The following KCNQ1 variants were observed in gnomAD, a reference collection of about 807,000 sequenced individuals.
KCNQ1 encodes the protein potassium voltage-gated channel subfamily KQT member 1.
Under a neutral mutation model 72.4 loss-of-function variants are expected in KCNQ1, and 49 were observed. The observed-to-expected ratio is 0.68, with a 90% confidence interval of 0.54 to 0.86. KCNQ1 has a LOEUF of 0.86. Ranked by LOEUF, KCNQ1 falls within the 40% of genes least tolerant of loss-of-function variation. The pLI is 0.00. For synonymous variants in KCNQ1, 450 were observed against 412.6 expected (o/e 1.09, Z -1.10); for missense variants, 790 against 945.1 (o/e 0.84, Z 2.15).
chr11:2,533,022 G>C (rs867621923), intron 2 of KCNQ1, among the ~76,000 whole-genome samples: 1 of 152,350 alleles, frequency 6.6e-6, no homozygotes, highest in Non-Finnish European at 1.5e-5. Flanking sequence ...GCTGAGCGCG[G>C]GGAGCCCAAA....
chr11:2,667,887 C>G (rs1450956683), intron 11 of KCNQ1: 1 of 398,494 alleles, frequency 2.5e-6, no homozygotes, highest in South Asian at 1.3e-4. Context: ...GTCTCAAGTG[C>G]GCAGCTTGAG....
At chr11:2,472,973 T>C (rs1846512897) in intron 1 of KCNQ1, among the ~76,000 whole-genome samples, 1 of 151,390 alleles carries the variant, frequency 6.6e-6, no homozygotes, top group Non-Finnish European at 1.5e-5. Flanking sequence ...CTCATGGTGA[T>C]GGGGTGGGCG....
At chr11:2,527,846 G>T in intron 1 of KCNQ1, 82 bp from the exon 2 acceptor site, 1 of 1,276,636 alleles carries the variant, frequency 7.8e-7, no homozygotes, top group African/African-American at 1.5e-5. Flanking sequence ...CGGGGCTGAG[G>T]CCAGGGGCCC....
rs571792491 is a variant in KCNQ1, at chr11:2,811,247, TCCCTG to T, written c.1794+33211_1794+33215del. On this transcript the variant is annotated intron_variant, in intron 15 of 15. Transcript: ENST00000155840. ...CCGTCCCCACGACCCCTGTCCGGCT[TCCCTG>T]GCTCATTGTCCCTGTTACAACCCAG... Among the ~76,000 whole-genome samples, 193 of 152,342 alleles carry T rather than the reference TCCCTG, an allele frequency of 1.3e-3. 1 individual carries two copies. Among genetic ancestry groups the T allele is most frequent in the Middle Eastern group, 6.8e-3 (2 of 294 alleles).
At chr11:2,575,940 G>A (rs549529246) in intron 6 of KCNQ1, among the ~76,000 whole-genome samples, 2 of 152,356 alleles carry the variant, frequency 1.3e-5, no homozygotes, top group Non-Finnish European at 2.9e-5. Context: ...AGCTCAGGGA[G>A]AAATTTCCTC....
rs759137365 is a variant in KCNQ1 at position 2,815,729 on chromosome 11, G to A, written c.1795-32038G>A. Among the ~76,000 whole-genome samples the A allele has an allele frequency of 1.3e-5, 2 of 152,130 alleles. No homozygotes were observed. The highest frequency in any genetic ancestry group is 2.9e-5 in the Non-Finnish European group (2 of 68,002). On this transcript the variant is annotated intron_variant, in intron 15 of 15. Transcript: ENST00000155840. This position sits in a 1 kb window ranked among gnomAD's most constrained non-coding sequence, Gnocchi z 5.4. ...GAGGCTGGAGACTATTCAGGAGAGG[G>A]TGGGAGCAGACACGGGAGTAGGATG...
Position 2,549,635 on chromosome 11 carries a change from G to T in KCNQ1, c.478-20993G>T, listed in dbSNP as rs1366191243. Among the ~76,000 whole-genome samples the T allele has an allele frequency of 6.6e-6, 1 of 151,660 alleles. No individual in the cohort carries two copies. The highest frequency in any genetic ancestry group is 1.9e-4 in the East Asian group (1 of 5,156). Reference sequence around the variant, plus strand: ...GCTCTGCGAGGCCCGGGGTAGGGGCGTGGGGGGGCCTCCTCCTCCCAAGCA... The same window carrying T: ...GCTCTGCGAGGCCCGGGGTAGGGGCTTGGGGGGGCCTCCTCCTCCCAAGCA... On this transcript the variant is annotated intron_variant, in intron 2 of 15. Transcript: ENST00000155840. This position sits in a 1 kb window ranked among gnomAD's most constrained non-coding sequence, Gnocchi z 6.2.
At chr11:2,718,423 C>A (rs1851136291) in intron 11 of KCNQ1, among the ~76,000 whole-genome samples, 1 of 152,210 alleles carries the variant, frequency 6.6e-6, no homozygotes, top group Non-Finnish European at 1.5e-5. Context: ...CAGCACCAGC[C>A]CCTCCCCGTA....
At position 2,742,199 on chromosome 11, in the gene KCNQ1, G is replaced by A. The variant is rs111751221; in HGVS notation, c.1515-26645G>A. Among the ~76,000 whole-genome samples, 942 of 152,368 alleles carry A rather than the reference G, an allele frequency of 6.2e-3. 11 individuals carry two copies. Among genetic ancestry groups the A allele is most frequent in the African/African-American group, 0.021 (881 of 41,592 alleles). ...TGCACAGAACGACCATCCCTGCAGC[G>A]GGTGGCTTGGGGGGTACCACCATGA... On this transcript the variant is annotated intron_variant, in intron 11 of 15. Coordinates refer to ENST00000155840, the MANE Select transcript of KCNQ1 (RefSeq NM_000218.3).
chr11:2,771,699 G>C (rs1846602217), intron 12 of KCNQ1: 1 of 152,140 alleles, frequency 6.6e-6, no homozygotes, highest in African/African-American at 2.4e-5. Flanking sequence ...TGGTAAATAA[G>C]CAATTAACAA....
chr11:2,721,353 C>G (rs1851199841), intron 11 of KCNQ1, among the ~76,000 whole-genome samples: 1 of 152,212 alleles, frequency 6.6e-6, no homozygotes, highest in Non-Finnish European at 1.5e-5. Flanking sequence ...TCAGAGGCAG[C>G]TAATAAGCCG....
chr11:2,672,256 C>G (rs1850197010), intron 11 of KCNQ1: 2 of 398,578 alleles, frequency 5.0e-6, no homozygotes, highest in Non-Finnish European at 8.8e-6. Context: ...TTCTGCTTTT[C>G]TTTTTGAACT....
intron 7 of KCNQ1, among the ~76,000 whole-genome samples, chr11:2,584,461 ATGTT>A (rs1296269094): frequency 7.2e-6 from 1 of 138,906 alleles, no homozygotes; most frequent in Non-Finnish European, 1.6e-5. Context: ...TTGTGTGTGT[ATGTT>A]AGTGTATGTT....
At chr11:2,648,626 T>C (rs1849704027) in intron 10 of KCNQ1, 2 of 398,578 alleles carry the variant, frequency 5.0e-6, no homozygotes, top group Non-Finnish European at 8.8e-6. Flanking sequence ...TCCATTGTGG[T>C]CTGAGAAGAT....
intron 15 of KCNQ1, among the ~76,000 whole-genome samples, chr11:2,805,860 C>A: frequency 6.6e-6 from 1 of 152,208 alleles, no homozygotes; most frequent in East Asian, 1.9e-4. Flanking sequence ...ATTCCTCCCC[C>A]CTTGACCTCA....
In KCNQ1 at chr11:2,817,901, A is replaced by G. The variant is rs767346411; in HGVS notation, c.1795-29866A>G. Among the ~76,000 whole-genome samples the G allele has an allele frequency of 5.3e-5, 8 of 152,144 alleles. 1 individual carries two copies. Among genetic ancestry groups the G allele is most frequent in the Non-Finnish European group, 1.0e-4 (7 of 68,026 alleles). ...GCCAGCACCTACCAGCTTTGCGCAA[A>G]TGCTCCACATTTGCATTTTAAAAGC... On this transcript the variant is annotated intron_variant, in intron 15 of 15. Transcript: ENST00000155840. This position sits in a 1 kb window ranked among gnomAD's most constrained non-coding sequence, Gnocchi z 6.1.
rs1358180604 is a variant in KCNQ1, at chr11:2,746,122, T to A, written c.1515-22722T>A. On this transcript the variant is annotated intron_variant, in intron 11 of 15. Transcript: ENST00000155840. This position sits in a 1 kb window ranked among gnomAD's most constrained non-coding sequence, Gnocchi z 5.9. ...CCAGGCTGATCTCGAACTCCTGGCCTCAAGTGATCCATCCGCCTCGGCCTC... is the reference window on the plus strand; with the variant it reads ...CCAGGCTGATCTCGAACTCCTGGCCACAAGTGATCCATCCGCCTCGGCCTC... 6.6e-6 allele frequency among the ~76,000 whole-genome samples: 1 copy of A among 152,210 alleles called. No individual in the cohort carries two copies. Among genetic ancestry groups the A allele is most frequent in the Non-Finnish European group, 1.5e-5 (1 of 68,028 alleles).
At chr11:2,727,030 G>A (rs1352729548) in intron 11 of KCNQ1, among the ~76,000 whole-genome samples, 2 of 152,232 alleles carry the variant, frequency 1.3e-5, no homozygotes, top group African/African-American at 2.4e-5. Flanking sequence ...AAGCCACTTG[G>A]TTGGGGGTTT....
At chr11:2,794,432 G>C (rs961041692) in intron 15 of KCNQ1, among the ~76,000 whole-genome samples, 1 of 152,196 alleles carries the variant, frequency 6.6e-6, no homozygotes, top group Non-Finnish European at 1.5e-5. Flanking sequence ...AGATCAAGTG[G>C]AAAAGAAAAG....
Sources: allele counts gnomAD v4.1 joint callset (sites outside exome capture counted in the v4.1 genomes callset), GRCh38; gene constraint gnomAD v4.1.1; non-coding constraint Gnocchi (gnomAD v3.1); transcripts MANE v1.5; gene names NCBI Gene and HGNC (gene_info 2026-07-23, HGNC 2026-07-21).